Variants in CLEC16A observed in about 807,000 individuals in gnomAD.
The protein encoded by CLEC16A is C-type lectin domain containing 16A, also known as protein CLEC16A.
Under a neutral mutation model 109.5 loss-of-function variants are expected in CLEC16A, and 51 were observed. The observed-to-expected ratio is 0.47, with a 90% CI of 0.37 to 0.59. The LOEUF is 0.59. Among genes scored for constraint, CLEC16A ranks in the 20% least tolerant of loss-of-function variants. The pLI is 0.00. For synonymous variants in CLEC16A, 673 were observed against 564.2 expected (o/e 1.19, Z -2.73); for missense variants, 1,339 against 1,394.0 (o/e 0.96, Z 0.63).
At chr16:11,120,885 C>A in intron 20 of CLEC16A, 119 bp downstream of exon 20, 2 of 1,054,480 alleles carry the variant, frequency 1.9e-6, no homozygotes, top group Non-Finnish European at 2.5e-6. Flanking sequence ...TGATATTATA[C>A]AAGGTATATG....
intron 10 of CLEC16A, among the ~76,000 whole-genome samples, chr16:11,002,704 G>T (rs116899727): frequency 0.02 from 3,034 of 152,156 alleles, 54 homozygotes; most frequent in South Asian, 0.044. Flanking sequence ...CTGCTGCCAT[G>T]TGCACATGTT....
chr16:11,120,554 G>A, intron 19 of CLEC16A, 61 bp from the exon 20 acceptor site: 1 of 1,512,464 alleles, frequency 6.6e-7, no homozygotes, highest in East Asian at 2.4e-5. Flanking sequence ...CAGCTTTGGT[G>A]TCTCCATCAC....
chr16:10,959,575 A>G (rs1267897972), intron 2 of CLEC16A, among the ~76,000 whole-genome samples: 2 of 151,996 alleles, frequency 1.3e-5, no homozygotes, highest in African/African-American at 4.8e-5. Context: ...TATTTTTAGT[A>G]GAGATGGTGT....
At chr16:11,027,132 G>A in intron 13 of CLEC16A, 1 of 1,479,600 alleles carries the variant, frequency 6.8e-7, no homozygotes, top group African/African-American at 1.4e-5. Context: ...GGAACTTTTG[G>A]CAAAGAAGGA....
At chr16:11,061,076 AC>A in intron 19 of CLEC16A, 54 bp downstream of exon 19, 2 of 1,527,194 alleles carry the variant, frequency 1.3e-6, no homozygotes, top group Non-Finnish European at 1.8e-6. Context: ...GGGACATGGG[AC>A]ACCACTCTGC....
chr16:11,147,948 C>T (rs554333379), intron 22 of CLEC16A, among the ~76,000 whole-genome samples: 3 of 152,328 alleles, frequency 2.0e-5, no homozygotes, highest in East Asian at 1.9e-4. Flanking sequence ...TTCCCTAAAA[C>T]GTGCCTTTTT....
chr16:11,178,857 C>T lies in CLEC16A; in HGVS notation c.*167C>T, dbSNP rs948366693. 10 of 559,854 alleles carry T rather than the reference C, an allele frequency of 1.8e-5. No individual in the cohort carries two copies. The highest frequency in any genetic ancestry group is 1.8e-4 in the Admixed American group (5 of 28,522). 34.7% of individuals were successfully genotyped at this position (559,854 alleles called of 1,614,324 possible). On this transcript the variant is annotated 3_prime_UTR_variant, in exon 24 of 24. Coordinates refer to ENST00000409790, the MANE Select transcript of CLEC16A (RefSeq NM_015226.3). The surrounding 1 kb of genome is among the most constrained non-coding windows in gnomAD (Gnocchi z 6.5). Reference sequence around the variant, plus strand: ...TGAATGGGAAGAAGCCCCACGTTGTCCTTGAATTCCTTTTTCACTTTGCAT... The same window carrying T: ...TGAATGGGAAGAAGCCCCACGTTGTTCTTGAATTCCTTTTTCACTTTGCAT...
In CLEC16A at chr16:10,979,489, C is replaced by A. The variant is rs539185353; in HGVS notation, c.957+107C>A. The A allele has an allele frequency of 1.6e-5, 16 of 970,326 alleles. No homozygotes were observed. In the Admixed American group the frequency reaches 2.5e-4, roughly 15 times the overall value. 60.1% of individuals were successfully genotyped at this position (970,326 alleles called of 1,614,324 possible). A position where few individuals can be genotyped will look rare whatever the true frequency, so the allele number is the denominator to read the frequency against. ...TTATCACCCCATCTTCTCTGTCCCC[C>A]CCATGCTGGAGTAAAATAACAGCAA... is the stretch of plus-strand genomic sequence containing the variant. On this transcript the variant is annotated intron_variant, in intron 9 of 23. Transcript: ENST00000409790.
At chr16:11,107,424 C>T (rs1292431220) in intron 19 of CLEC16A, among the ~76,000 whole-genome samples, 2 of 152,164 alleles carry the variant, frequency 1.3e-5, no homozygotes, top group African/African-American at 4.8e-5. Flanking sequence ...CTACTTGCAG[C>T]AAATAACCCA....
In CLEC16A at chr16:11,000,878, T is replaced by C. The variant is rs868466615; in HGVS notation, c.1072-2196T>C. ...TGGCAAGGTACGGTGTTCCCCAGCA[T>C]ATAATTGGTGGTCGTTTGGGGTAAA... On this transcript the variant is annotated intron_variant, in intron 10 of 23. Transcript: ENST00000409790. Among the ~76,000 whole-genome samples, 3 of 152,330 alleles carry C rather than the reference T, an allele frequency of 2.0e-5. No homozygotes were observed. The South Asian group carries it at 6.2e-4, about 32-fold the overall frequency.
rs141867110 is a variant in CLEC16A at position 11,057,215 on chromosome 16, C to G, written c.1996-3687C>G. On this transcript the variant is annotated intron_variant, in intron 18 of 23. Transcript: ENST00000409790. ...TGCTTCGGCCCTCTTTTAAGAATGA[C>G]TGACTTTCACAGCTACATGGCCTCA... Among the ~76,000 whole-genome samples, 307 of 152,332 alleles carry G rather than the reference C, an allele frequency of 2.0e-3. 2 individuals carry two copies. Among genetic ancestry groups the G allele is most frequent in the Non-Finnish European group, 2.9e-3 (197 of 68,024 alleles).
intron 19 of CLEC16A, among the ~76,000 whole-genome samples, chr16:11,068,232 G>A (rs937161544): frequency 1.3e-5 from 2 of 152,172 alleles, no homozygotes; most frequent in African/African-American, 4.8e-5. Context: ...TTATTGTAAG[G>A]CAGAACAATA....
At position 11,018,692 on chromosome 16, in the gene CLEC16A, T is replaced by C. The variant is rs565744150; in HGVS notation, c.1304-1501T>C. On this transcript the variant is annotated intron_variant, in intron 11 of 23. Transcript: ENST00000409790. ...TGAACCTGGGAGGCGGAGCTTGCAG[T>C]GAGCCGAGATCATGCTACTGCACTC... Among the ~76,000 whole-genome samples the C allele has an allele frequency of 7.0e-5, 10 of 143,658 alleles. No homozygotes were observed. The South Asian group carries it at 8.6e-4, about 12-fold the overall frequency. 94.2% of individuals were successfully genotyped at this position (143,658 alleles called of 152,430 possible).
At chr16:11,038,140 G>A (rs2047126760) in intron 13 of CLEC16A, among the ~76,000 whole-genome samples, 2 of 152,112 alleles carry the variant, frequency 1.3e-5, no homozygotes, top group South Asian at 4.1e-4. Context: ...CTGGGAGCTG[G>A]AAGGAATTCA....
At position 11,178,606 on chromosome 16, in the gene CLEC16A, G is replaced by A. The variant is rs72650693; in HGVS notation, c.3078G>A (p.Pro1026=). 2.6e-4 allele frequency: 420 copies of A among 1,605,144 alleles called. No individual in the cohort carries two copies. The highest frequency in any genetic ancestry group is 3.9e-4 in the Admixed American group (23 of 59,678). Residue 1026 remains proline, a synonymous_variant, in exon 24 of 24, where the codon CCG becomes CCA. Coordinates refer to ENST00000409790, the MANE Select transcript of CLEC16A (RefSeq NM_015226.3). The surrounding 1 kb of genome is among the most constrained non-coding windows in gnomAD (Gnocchi z 6.5). The stretch of plus-strand genomic sequence containing the variant: ...TCCGCAGCCTCACCGGCATGCCCCC[G>A]CTGTCCACGCCGGCTGCCGCCTGCA... ...HSLRSLTGMP[P]LSTPAAACTE...
Position 11,064,976 on chromosome 16 carries a change from T to G in CLEC16A, c.2116+3954T>G, listed in dbSNP as rs1244250413. On this transcript the variant is annotated intron_variant, in intron 19 of 23. Coordinates refer to ENST00000409790, the MANE Select transcript of CLEC16A (RefSeq NM_015226.3). ...TGGGCTCCATGGGGCTGGCATTTTC[T>G]GCTTAAGCAACACTCTGAGAACAGT... Among the ~76,000 whole-genome samples, 4 of 152,198 alleles carry G rather than the reference T, an allele frequency of 2.6e-5. No individual in the cohort carries two copies. The East Asian group carries it at 7.7e-4, about 29-fold the overall frequency.
At chr16:11,158,875 ATG>A (rs2054622724) in intron 22 of CLEC16A, among the ~76,000 whole-genome samples, 1 of 151,144 alleles carries the variant, frequency 6.6e-6, no homozygotes, top group Non-Finnish European at 1.5e-5. Flanking sequence ...AGCCAAGATC[ATG>A]CCACTGCACT....
rs1461116220 is a variant in CLEC16A, at chr16:11,181,951, A to G, written c.*3261A>G. ...GTAGTCATCTTGACATTGGGCCTAC[A>G]CTGTACGAGTTCCTTATGTTTCCTT... On this transcript the variant is annotated 3_prime_UTR_variant, in exon 24 of 24. Transcript: ENST00000409790. 1 of 152,644 alleles carries G rather than the reference A, an allele frequency of 6.6e-6. No homozygotes were observed. Among genetic ancestry groups the G allele is most frequent in the Non-Finnish European group, 1.5e-5 (1 of 68,034 alleles). The allele number at this position is 152,644 out of a possible 1,614,324, so 9.5% of individuals were successfully genotyped here.
At chr16:11,119,210 C>G (rs2052223115) in intron 19 of CLEC16A, among the ~76,000 whole-genome samples, 1 of 152,126 alleles carries the variant, frequency 6.6e-6, no homozygotes, top group African/African-American at 2.4e-5. Flanking sequence ...CCATGTTGGC[C>G]AAGTTGGCCT....
Sources: gnomAD v4.1 joint callset for allele counts (sites outside exome capture counted in the v4.1 genomes callset) on GRCh38, gnomAD v4.1.1 for gene constraint, Gnocchi (gnomAD v3.1) non-coding constraint, MANE v1.5 for transcripts, NCBI Gene and HGNC (gene_info 2026-07-23, HGNC 2026-07-21) for gene names.